Variants in DPYSL2 observed in about 807,000 individuals in gnomAD.
DPYSL2 encodes the protein dihydropyrimidinase-related protein 2.
DPYSL2 carries 13 observed loss-of-function variants against 69.9 expected under a neutral mutation model. The observed-to-expected ratio is 0.19, with a 90% CI of 0.12 to 0.30. The LOEUF (loss-of-function observed/expected upper bound fraction) is 0.30, where lower values mean the gene tolerates loss of function less well. Among genes scored for constraint, DPYSL2 ranks in the 10% least tolerant of loss-of-function variants. DPYSL2 has a pLI of 1.00. For missense variants in DPYSL2, 587 were observed against 918.9 expected, an observed-to-expected ratio of 0.64 and a Z score of 4.67; for synonymous variants, 326 against 359.1, an observed-to-expected ratio of 0.91 and a Z score of 1.04.
intron 1 of DPYSL2, among the ~76,000 whole-genome samples, chr8:26,568,496 G>A (rs1026324921): frequency 6.6e-6 from 1 of 152,094 alleles, no homozygotes; most frequent in Non-Finnish European, 1.5e-5. Context: ...GCAGAAAGAG[G>A]ACCAATTTAT....
chr8:26,612,994 T>C (rs977783651), intron 3 of DPYSL2, among the ~76,000 whole-genome samples: 4 of 152,256 alleles, frequency 2.6e-5, no homozygotes, highest in Admixed American at 2.0e-4. Flanking sequence ...TAACACTTTG[T>C]GAATCACTTA....
At position 26,655,892 on chromosome 8, in the gene DPYSL2, C is replaced by CCACCAAGAGTGGA; in HGVS notation, c.*186_*187insCACCAAGAGTGGA. 1 of 482,390 alleles carries CCACCAAGAGTGGA rather than the reference C, an allele frequency of 2.1e-6. No individual in the cohort carries two copies. The highest frequency in any genetic ancestry group is 3.6e-6 in the Non-Finnish European group (1 of 275,698). 29.9% of individuals were successfully genotyped at this position (482,390 alleles called of 1,614,324 possible). On this transcript the variant is annotated 3_prime_UTR_variant, in exon 14 of 14. Coordinates refer to ENST00000521913, the MANE Select transcript of DPYSL2 (RefSeq NM_001197293.3). Reference sequence around the variant, plus strand: ...ACACCCCGTCTCTCACCAAGAGTTACTGATTTTGCTCATCCACTTCCCTAC... The same window carrying CCACCAAGAGTGGA: ...ACACCCCGTCTCTCACCAAGAGTTACCACCAAGAGTGGATGATTTTGCTCATCCACTTCCCTAC...
chr8:26,655,222 C>T (rs1005675946), intron 13 of DPYSL2, among the ~76,000 whole-genome samples: 3 of 152,090 alleles, frequency 2.0e-5, no homozygotes, highest in African/African-American at 7.2e-5. Context: ...TGAGGCCGGG[C>T]AGGGTGGCTC....
At chr8:26,608,296 C>T (rs1487440957) in intron 3 of DPYSL2, among the ~76,000 whole-genome samples, 1 of 152,152 alleles carries the variant, frequency 6.6e-6, no homozygotes, top group Non-Finnish European at 1.5e-5. Context: ...CATACATCAA[C>T]ATAGTAATAG....
intron 1 of DPYSL2, among the ~76,000 whole-genome samples, chr8:26,534,711 C>T (rs568235176): frequency 6.6e-6 from 1 of 151,352 alleles, no homozygotes; most frequent in South Asian, 2.1e-4. Context: ...TAGCTCACTG[C>T]AGCCTTGAAC....
chr8:26,643,267 G>T lies in DPYSL2; in HGVS notation c.1127-172G>T. 1.6e-6 allele frequency: 1 copy of T among 621,124 alleles called. No homozygotes were observed. 38.5% of individuals were successfully genotyped at this position (621,124 alleles called of 1,614,324 possible). A position where few individuals can be genotyped will look rare whatever the true frequency, so the allele number is the denominator to read the frequency against. ...GGGAGCTCATGACAGGCTGGCAGAG[G>T]TACTGAATTTCTCCAAGTCTCAGTT... is the stretch of plus-strand genomic sequence containing the variant. On this transcript the variant is annotated intron_variant, in intron 8 of 13. Transcript: ENST00000521913. The surrounding 1 kb of genome is among the most constrained non-coding windows in gnomAD (Gnocchi z 6.5).
At chr8:26,534,775 G>A (rs375538537) in intron 1 of DPYSL2, among the ~76,000 whole-genome samples, 2 of 152,094 alleles carry the variant, frequency 1.3e-5, no homozygotes, top group African/African-American at 4.8e-5. Flanking sequence ...TAGGACTACA[G>A]GCATCGGCCA....
Position 26,533,032 on chromosome 8 carries a change from T to G in DPYSL2, c.354+18353T>G, listed in dbSNP as rs1466798321. ...GGTTTCCAACTTCGCCGCATCCTTG[T>G]CTACACTTGTTATTGTCTGTCTTTT... On this transcript the variant is annotated intron_variant, in intron 1 of 13. Coordinates refer to ENST00000521913, the MANE Select transcript of DPYSL2 (RefSeq NM_001197293.3). This position sits in a 1 kb window ranked among gnomAD's most constrained non-coding sequence, Gnocchi z 4.8. 6.6e-6 allele frequency among the ~76,000 whole-genome samples: 1 copy of G among 152,196 alleles called. No homozygotes were observed. The highest frequency in any genetic ancestry group is 2.4e-5 in the African/African-American group (1 of 41,454).
intron 3 of DPYSL2, among the ~76,000 whole-genome samples, chr8:26,592,103 A>G (rs1175050803): frequency 6.6e-6 from 1 of 152,146 alleles, no homozygotes; most frequent in African/African-American, 2.4e-5. Flanking sequence ...GCTTTTTATG[A>G]CAGCCCATAA....
intron 1 of DPYSL2, among the ~76,000 whole-genome samples, chr8:26,554,903 T>C (rs954221800): frequency 6.6e-6 from 1 of 152,114 alleles, no homozygotes; most frequent in African/African-American, 2.4e-5. Flanking sequence ...CAACAATGTA[T>C]ACAAAGAGTT....
chr8:26,532,611 G>A lies in DPYSL2; in HGVS notation c.354+17932G>A, dbSNP rs140852901. Among the ~76,000 whole-genome samples the A allele has an allele frequency of 3.1e-3, 474 of 152,220 alleles. 1 individual carries two copies. Among genetic ancestry groups the A allele is most frequent in the African/African-American group, 0.01 (425 of 41,522 alleles). On this transcript the variant is annotated intron_variant, in intron 1 of 13. Transcript: ENST00000521913. The stretch of plus-strand genomic sequence containing the variant: ...CCTATTTTCACATTTTATATACATG[G>A]AAACATATACTATGTGGTCTTTTGT...
intron 1 of DPYSL2, among the ~76,000 whole-genome samples, chr8:26,544,812 A>T (rs1173430150): frequency 6.6e-6 from 1 of 152,258 alleles, no homozygotes. Context: ...AGGGATAGAA[A>T]AGGATATTTT....
Position 26,587,850 on chromosome 8 carries a change from C to G in DPYSL2, c.628+3867C>G, listed in dbSNP as rs1356373373. 2.0e-5 allele frequency among the ~76,000 whole-genome samples: 3 copies of G among 152,124 alleles called. No individual in the cohort carries two copies. The highest frequency in any genetic ancestry group is 7.2e-5 in the African/African-American group (3 of 41,424). On this transcript the variant is annotated intron_variant, in intron 3 of 13. Transcript: ENST00000521913. This position sits in a 1 kb window ranked among gnomAD's most constrained non-coding sequence, Gnocchi z 4.2. ...ATTTGAGTTCAGGATCTCAGAGTTT[C>G]TAGGAAGCAGCTGGGAACAGTTACC...
intron 1 of DPYSL2, among the ~76,000 whole-genome samples, chr8:26,556,805 AAAAC>A (rs779624649): frequency 6.6e-6 from 1 of 152,124 alleles, no homozygotes; most frequent in Non-Finnish European, 1.5e-5. Context: ...TTGAAGGAGA[AAAAC>A]AAATTAGATA....
chr8:26,568,646 G>A (rs990151315), intron 1 of DPYSL2, among the ~76,000 whole-genome samples: 2 of 151,752 alleles, frequency 1.3e-5, no homozygotes, highest in Admixed American at 6.6e-5. Flanking sequence ...GAACCATGGC[G>A]TGTTTTTGGA....
In DPYSL2 at chr8:26,656,872, C is replaced by G. The variant is rs1803404643; in HGVS notation, c.*1166C>G. ...AGAACCGGAGAGATTTTCCTCTGTG[C>G]AGTGCTCTCTGGCTAAAGTCACGGT... is the stretch of plus-strand genomic sequence containing the variant. On this transcript the variant is annotated 3_prime_UTR_variant, in exon 14 of 14. Transcript: ENST00000521913. 1 of 152,560 alleles carries G rather than the reference C, an allele frequency of 6.6e-6. No individual in the cohort carries two copies. The highest frequency in any genetic ancestry group is 2.4e-5 in the African/African-American group (1 of 41,442). 9.5% of individuals were successfully genotyped at this position (152,560 alleles called of 1,614,324 possible).
intron 1 of DPYSL2, among the ~76,000 whole-genome samples, chr8:26,573,509 A>C (rs1396803328): frequency 1.3e-5 from 2 of 152,018 alleles, no homozygotes; most frequent in Non-Finnish European, 2.9e-5. Flanking sequence ...TCTACTAAAA[A>C]ATACAAAAAA....
At chr8:26,561,908 T>C (rs896521468) in intron 1 of DPYSL2, among the ~76,000 whole-genome samples, 8 of 152,194 alleles carry the variant, frequency 5.3e-5, no homozygotes, top group African/African-American at 1.9e-4. Context: ...TAATAGGCCA[T>C]GGACGGGTAC....
chr8:26,534,207 G>C (rs1800556641), intron 1 of DPYSL2, among the ~76,000 whole-genome samples: 2 of 152,080 alleles, frequency 1.3e-5, no homozygotes, highest in South Asian at 4.2e-4. Context: ...TTGAGACTGA[G>C]TCTTGTTCTG....
Sources: allele counts gnomAD v4.1 joint callset (sites outside exome capture counted in the v4.1 genomes callset), GRCh38; gene constraint gnomAD v4.1.1; non-coding constraint Gnocchi (gnomAD v3.1); transcripts MANE v1.5; gene names NCBI Gene and HGNC (gene_info 2026-07-23, HGNC 2026-07-21).